PTPRT: variants seen among roughly 807,000 people sequenced by gnomAD.
PTPRT encodes the protein protein tyrosine phosphatase receptor type T, also known as receptor-type tyrosine-protein phosphatase T.
Under a neutral mutation model 176.8 loss-of-function variants are expected in PTPRT, and 56 were observed. The ratio of observed to expected loss-of-function variants is 0.32; its 90% CI spans 0.26 to 0.40. PTPRT has a LOEUF of 0.40. Among genes scored for constraint, PTPRT ranks in the 10% least tolerant of loss-of-function variants. The pLI is 1.00. For missense variants in PTPRT, 1,540 were observed against 1,908.2 expected (o/e 0.81, Z 3.60); for synonymous variants, 783 against 739.0 (o/e 1.06, Z -0.96).
At chr20:42,358,979 A>G (rs1264748806) in intron 9 of PTPRT, among the ~76,000 whole-genome samples, 1 of 152,164 alleles carries the variant, frequency 6.6e-6, no homozygotes, top group Non-Finnish European at 1.5e-5. Flanking sequence ...CCATTAAAGG[A>G]GAGGGTAGGC....
chr20:42,046,554 C>T, the PTPRT span, among the ~76,000 whole-genome samples: 3 of 152,178 alleles, frequency 2.0e-5, no homozygotes, highest in Non-Finnish European at 2.9e-5. Context: ...ATGCTGACAG[C>T]CACAGACGTG....
chr20:42,181,189 A>G (rs1036661632), intron 16 of PTPRT, among the ~76,000 whole-genome samples: 2 of 152,210 alleles, frequency 1.3e-5, no homozygotes, highest in Admixed American at 1.3e-4. Flanking sequence ...AGATATTGGG[A>G]AGGCTCACAA....
chr20:43,157,390 C>G (rs1600756947), intron 1 of PTPRT, among the ~76,000 whole-genome samples: 4 of 152,074 alleles, frequency 2.6e-5, no homozygotes, highest in Admixed American at 2.6e-4. Flanking sequence ...CAAATCCCTG[C>G]CCTCTTGGAT....
chr20:42,901,565 G>A (rs756239815), intron 1 of PTPRT, among the ~76,000 whole-genome samples: 15 of 152,066 alleles, frequency 9.9e-5, no homozygotes, highest in African/African-American at 3.1e-4. Flanking sequence ...CGTCCCCCAC[G>A]GTCTCTGTCT....
At chr20:42,573,268 A>G (rs1335708489) in intron 7 of PTPRT, among the ~76,000 whole-genome samples, 1 of 152,180 alleles carries the variant, frequency 6.6e-6, no homozygotes, top group Non-Finnish European at 1.5e-5. Flanking sequence ...CCCAGCCTGC[A>G]CTGGGCAAGG....
At chr20:43,021,608 G>T (rs568025968) in intron 1 of PTPRT, among the ~76,000 whole-genome samples, 1 of 152,086 alleles carries the variant, frequency 6.6e-6, no homozygotes, top group African/African-American at 2.4e-5. Context: ...GTGTCTCAGG[G>T]GCCCTAGTTA....
At chr20:42,147,411 C>A (rs1486132901) in intron 17 of PTPRT, among the ~76,000 whole-genome samples, 1 of 152,178 alleles carries the variant, frequency 6.6e-6, no homozygotes, top group East Asian at 1.9e-4. Flanking sequence ...CACCACTTCT[C>A]CAACTTTTGG....
At chr20:42,840,718 A>T (rs547698453) in intron 2 of PTPRT, among the ~76,000 whole-genome samples, 2 of 152,238 alleles carry the variant, frequency 1.3e-5, no homozygotes, top group South Asian at 4.1e-4. Flanking sequence ...CAGCCATCAC[A>T]TCTTTTTTAG....
intron 1 of PTPRT, among the ~76,000 whole-genome samples, chr20:42,945,720 G>A (rs769203389): frequency 6.6e-6 from 1 of 152,150 alleles, no homozygotes; most frequent in Non-Finnish European, 1.5e-5. Context: ...CGCTCTTAAT[G>A]AGGTAAAATT....
intron 1 of PTPRT, among the ~76,000 whole-genome samples, chr20:43,129,043 T>C (rs2013553569): frequency 6.6e-6 from 1 of 152,258 alleles, no homozygotes; most frequent in Admixed American, 6.5e-5. Flanking sequence ...AGGTCCTGCA[T>C]GAGGGTCCTG....
At chr20:42,657,218 G>T (rs1017372573) in intron 7 of PTPRT, among the ~76,000 whole-genome samples, 1 of 152,138 alleles carries the variant, frequency 6.6e-6, no homozygotes, top group Non-Finnish European at 1.5e-5. Flanking sequence ...GGCCTCCTAA[G>T]CCCTGTGGAA....
At chr20:42,532,269 CTGTT>C (rs2072397928) in intron 7 of PTPRT, among the ~76,000 whole-genome samples, 1 of 152,264 alleles carries the variant, frequency 6.6e-6, no homozygotes, top group Middle Eastern at 3.4e-3. Flanking sequence ...CCCCATAGGG[CTGTT>C]TGTGAGGCTG....
chr20:42,797,543 T>G (rs1387716936), intron 2 of PTPRT, among the ~76,000 whole-genome samples: 1 of 80,122 alleles, frequency 1.2e-5, no homozygotes, highest in African/African-American at 3.3e-5. Context: ...TCTCCCACCC[T>G]CCCCCGCAAA....
intron 7 of PTPRT, among the ~76,000 whole-genome samples, chr20:42,529,501 T>G (rs2072339878): frequency 6.6e-6 from 1 of 152,128 alleles, no homozygotes; most frequent in Non-Finnish European, 1.5e-5. Context: ...ATTTTATTTT[T>G]TTGGAGATGG....
rs1213242673 is a variant in PTPRT, at chr20:42,512,089, C to T, written c.1154-39527G>A. On this transcript the variant is annotated intron_variant, in intron 7 of 30. Transcript: ENST00000373187. Reference sequence around the variant, plus strand: ...TTGGATGCAACCTTCTAAAGATATTCTTTACTTAAACATATATAAGTAAAT... The same window carrying T: ...TTGGATGCAACCTTCTAAAGATATTTTTTACTTAAACATATATAAGTAAAT... Among the ~76,000 whole-genome samples, 6 of 152,212 alleles carry T rather than the reference C, an allele frequency of 3.9e-5. No individual in the cohort carries two copies. In the South Asian group the frequency reaches 1.2e-3, roughly 32 times the overall value.
At chr20:42,882,908 G>A (rs968322452) in intron 2 of PTPRT, among the ~76,000 whole-genome samples, 1 of 152,250 alleles carries the variant, frequency 6.6e-6, no homozygotes, top group Non-Finnish European at 1.5e-5. Context: ...TAGGGGAAAG[G>A]CTCCGTGGAG....
chr20:42,620,535 C>A (rs1409703552), intron 7 of PTPRT, among the ~76,000 whole-genome samples: 1 of 149,898 alleles, frequency 6.7e-6, no homozygotes, highest in South Asian at 2.1e-4. Flanking sequence ...CGCCCCTCCC[C>A]CAGCCTCGTT....
intron 6 of PTPRT, among the ~76,000 whole-genome samples, chr20:42,731,349 G>A (rs768130863): frequency 3.3e-5 from 5 of 152,158 alleles, no homozygotes; most frequent in Non-Finnish European, 7.3e-5. Context: ...ATTCCTCCTT[G>A]TGCTAAATGC....
At chr20:42,429,203 T>G (rs533897255) in intron 9 of PTPRT, among the ~76,000 whole-genome samples, 2 of 152,218 alleles carry the variant, frequency 1.3e-5, no homozygotes, top group South Asian at 4.2e-4. Flanking sequence ...ACAAAATGCA[T>G]GATGATAAGC....
Sources: gnomAD v4.1 joint callset for allele counts (sites outside exome capture counted in the v4.1 genomes callset) on GRCh38, gnomAD v4.1.1 for gene constraint, MANE v1.5 for transcripts, NCBI Gene and HGNC (gene_info 2026-07-23, HGNC 2026-07-21) for gene names.